Variants in ZPBP observed in about 807,000 individuals in gnomAD.
ZPBP encodes the protein zona pellucida binding protein, also known as zona pellucida-binding protein 1.
A neutral mutation model predicts 44.8 loss-of-function variants in ZPBP; 26 were observed. The observed-to-expected ratio is 0.58, with a 90% confidence interval of 0.43 to 0.81. The LOEUF is 0.81. Ranked by LOEUF, ZPBP falls within the 30% of genes least tolerant of loss-of-function variation. ZPBP has a pLI of 0.00. For missense variants in ZPBP, 409 were observed against 434.0 expected (o/e 0.94, Z 0.51); for synonymous variants, 174 against 153.2 (o/e 1.14, Z -1.00).
chr7:50,089,550 T>G (rs1802842712), intron 2 of ZPBP, 79 bp downstream of exon 2: 1 of 1,072,766 alleles, frequency 9.3e-7, no homozygotes, highest in East Asian at 2.6e-5. Context: ...TGAAGAGCAT[T>G]AGCCTTTTGG....
chr7:49,983,541 A>T (rs1221724626), intron 6 of ZPBP, 22 bp from the exon 7 acceptor site: 2 of 1,439,454 alleles, frequency 1.4e-6, no homozygotes, highest in African/African-American at 1.4e-5. Flanking sequence ...ATACAATTTG[A>T]TAAACTGTTA....
Position 49,857,009 on chromosome 7 carries a change from C to CAAAAAAAA in ZPBP, n.510-6503_510-6496dup, listed in dbSNP as rs59910243. ...TGGGTGACAGAGCCAGATACTGTCT[C>CAAAAAAAA]AAAAAAAAAAAAAAAAAAAAAAAAA... On this transcript the variant is annotated intron_variant and non_coding_transcript_variant, in intron 2 of 2. Coordinates refer to the ZPBP transcript ENST00000465922. Among the ~76,000 whole-genome samples the CAAAAAAAA allele has an allele frequency of 1.3e-4, 7 of 52,786 alleles. 1 individual carries two copies. In the Admixed American group the frequency reaches 1.9e-3, roughly 15 times the overall value. The allele number at this position is 52,786 out of a possible 152,430, so 34.6% of individuals were successfully genotyped here. A position where few individuals can be genotyped will look rare whatever the true frequency, so the allele number is the denominator to read the frequency against.
rs186815999 is a variant in ZPBP at position 49,875,940 on chromosome 7, G to T, written n.509+25178C>A. 2.4e-3 allele frequency among the ~76,000 whole-genome samples: 364 copies of T among 152,260 alleles called. 4 individuals are homozygous for T. Among genetic ancestry groups the T allele is most frequent in the South Asian group, 1.2e-3 (6 of 4,826 alleles). ...AAATAGTGGTGTTTAATACATAGTG[G>T]CTGGAAGAATGAGTCGAAGAAATTG... is the stretch of plus-strand genomic sequence containing the variant. On this transcript the variant is annotated intron_variant and non_coding_transcript_variant, in intron 2 of 2. Coordinates refer to the ZPBP transcript ENST00000465922.
intron 2 of ZPBP, among the ~76,000 whole-genome samples, chr7:49,889,581 C>T (rs1483128437): frequency 6.6e-6 from 1 of 152,154 alleles, no homozygotes; most frequent in Non-Finnish European, 1.5e-5. Flanking sequence ...AGAGGAGCGG[C>T]TACAGGGTGA....
chr7:49,900,148 T>C (rs1186127412), intron 2 of ZPBP, among the ~76,000 whole-genome samples: 1 of 151,680 alleles, frequency 6.6e-6, no homozygotes, highest in East Asian at 1.9e-4. Context: ...TTAAACTAAA[T>C]AAAAATATAT....
chr7:49,941,981 A>C (rs1159647048), intron 7 of ZPBP, among the ~76,000 whole-genome samples: 1 of 152,140 alleles, frequency 6.6e-6, no homozygotes, highest in Non-Finnish European at 1.5e-5. Flanking sequence ...AATGATTTTC[A>C]CAAAGGATGC....
At chr7:50,091,296 T>C (rs1017370454) in intron 1 of ZPBP, among the ~76,000 whole-genome samples, 8 of 152,246 alleles carry the variant, frequency 5.3e-5, no homozygotes, top group African/African-American at 1.9e-4. Context: ...TTTACTCTGC[T>C]GACTGTTCCG....
intron 7 of ZPBP, among the ~76,000 whole-genome samples, chr7:49,981,456 TA>T: frequency 1.8e-4 from 3 of 17,080 alleles, no homozygotes; most frequent in East Asian, 5.4e-3. Context: ...TATGTACATA[TA>T]ATAATATATA....
intron 1 of ZPBP, among the ~76,000 whole-genome samples, chr7:49,926,358 T>C (rs867338498): frequency 2.7e-4 from 41 of 152,364 alleles, no homozygotes; most frequent in African/African-American, 9.9e-4. Flanking sequence ...TACCTGCAGC[T>C]TAGGCATTTC....
intron 3 of ZPBP, among the ~76,000 whole-genome samples, chr7:50,076,962 C>A (rs1335436739): frequency 1.3e-5 from 2 of 151,934 alleles, no homozygotes; most frequent in East Asian, 1.9e-4. Context: ...GCAAAAAGAG[C>A]AAAACTGGAG....
intron 3 of ZPBP, among the ~76,000 whole-genome samples, chr7:50,078,187 T>C (rs1418751679): frequency 6.6e-6 from 1 of 151,488 alleles, no homozygotes; most frequent in Non-Finnish European, 1.5e-5. Context: ...GATCTAAAAA[T>C]CAAATCAATT....
intron 4 of ZPBP, among the ~76,000 whole-genome samples, chr7:50,031,705 A>T (rs1362391950): frequency 3.3e-5 from 5 of 152,144 alleles, no homozygotes; most frequent in Non-Finnish European, 5.9e-5. Context: ...CACTTCTCTA[A>T]GTTTAAATAT....
downstream of ZPBP, among the ~76,000 whole-genome samples, chr7:49,849,308 A>G (rs1264508379): frequency 1.3e-5 from 2 of 152,214 alleles, no homozygotes; most frequent in East Asian, 1.9e-4. Flanking sequence ...AAATCTGCTC[A>G]AAAGTAATTC....
intron 1 of ZPBP, chr7:49,901,276 T>C (rs1187864496): frequency 6.6e-6 from 1 of 151,762 alleles, no homozygotes; most frequent in South Asian, 2.1e-4. Context: ...GAAATAAAAC[T>C]GTCTTTGTTT....
At chr7:50,058,758 G>T (rs1473364585) in intron 3 of ZPBP, among the ~76,000 whole-genome samples, 3 of 152,294 alleles carry the variant, frequency 2.0e-5, no homozygotes, top group Non-Finnish European at 4.4e-5. Context: ...CTGGGGGTTA[G>T]AATGGGATGT....
chr7:49,846,003 C>T (rs993242019), downstream of ZPBP, among the ~76,000 whole-genome samples: 7 of 152,196 alleles, frequency 4.6e-5, no homozygotes, highest in Non-Finnish European at 5.9e-5. Flanking sequence ...TGATAAAAGA[C>T]GGCTCCAGTC....
intron 3 of ZPBP, among the ~76,000 whole-genome samples, chr7:50,062,704 G>A (rs771793147): frequency 6.6e-6 from 1 of 152,118 alleles, no homozygotes; most frequent in Non-Finnish European, 1.5e-5. Context: ...CCTGGAGAAA[G>A]GGCAAAGCAA....
In ZPBP at chr7:49,944,843, T is replaced by TA. The variant is rs1795033585; in HGVS notation, c.962-7222_962-7221insT. Among the ~76,000 whole-genome samples the TA allele has an allele frequency of 2.3e-4, 8 of 34,504 alleles. No individual in the cohort carries two copies. In the East Asian group the frequency reaches 9.3e-3, roughly 40 times the overall value. 22.6% of individuals were successfully genotyped at this position (34,504 alleles called of 152,430 possible). On this transcript the variant is annotated intron_variant, in intron 7 of 7. Transcript: ENST00000046087. The stretch of plus-strand genomic sequence containing the variant: ...TTCATTTCATTGATTTTTGTATTTT[T>TA]TTTATTTCATTTATTTCTGCTCTGA...
intron 2 of ZPBP, among the ~76,000 whole-genome samples, chr7:49,866,902 C>A (rs566824708): frequency 1.3e-5 from 2 of 152,334 alleles, no homozygotes; most frequent in African/African-American, 4.8e-5. Flanking sequence ...TCCATTGGAG[C>A]AGCAGCACAG....
Sources: gnomAD v4.1 joint callset for allele counts (sites outside exome capture counted in the v4.1 genomes callset) on GRCh38, gnomAD v4.1.1 for gene constraint, MANE v1.5 for transcripts, NCBI Gene and HGNC (gene_info 2026-07-23, HGNC 2026-07-21) for gene names.